Variants in FSTL5 observed in about 807,000 individuals in gnomAD.
The protein encoded by FSTL5 is follistatin-related protein 5.
FSTL5 carries 62 observed loss-of-function variants against 89.1 expected under a neutral mutation model. The ratio of observed to expected loss-of-function variants is 0.70; its 90% CI spans 0.57 to 0.86. The LOEUF (loss-of-function observed/expected upper bound fraction) is 0.86, where lower values mean the gene tolerates loss of function less well. Ranked by LOEUF, FSTL5 falls within the 40% of genes least tolerant of loss-of-function variation. FSTL5 has a pLI of 0.00. For synonymous variants in FSTL5, 383 were observed against 346.2 expected (o/e 1.11, Z -1.18); for missense variants, 1,057 against 1,001.6 (o/e 1.06, Z -0.75).
intron 1 of FSTL5, among the ~76,000 whole-genome samples, chr4:162,113,036 T>A (rs1380341638): frequency 1.3e-5 from 2 of 152,178 alleles, no homozygotes; most frequent in Non-Finnish European, 2.9e-5. Context: ...TCAAATCTCA[T>A]TGCTAGCTAC....
chr4:161,690,730 T>C (rs1332975801), intron 6 of FSTL5, among the ~76,000 whole-genome samples: 1 of 152,114 alleles, frequency 6.6e-6, no homozygotes, highest in Non-Finnish European at 1.5e-5. Flanking sequence ...GGGGGTTTGT[T>C]GTACAGATTA....
chr4:161,690,572 T>G (rs1482959996), intron 6 of FSTL5, among the ~76,000 whole-genome samples: 1 of 152,166 alleles, frequency 6.6e-6, no homozygotes, highest in African/African-American at 2.4e-5. Flanking sequence ...AAAACTCTTA[T>G]CAGACATATG....
rs150616624 is a variant in FSTL5, at chr4:161,593,578, G to A, written c.895-6003C>T. On this transcript the variant is annotated intron_variant, in intron 7 of 15. Coordinates refer to ENST00000306100, the MANE Select transcript of FSTL5 (RefSeq NM_020116.5). Reference sequence around the variant, plus strand: ...TCAAGGAAGAAGGGATGAGGAGGGGGAGGGAGAAGGGGAGGAAAGGGAGGC... The same window carrying A: ...TCAAGGAAGAAGGGATGAGGAGGGGAAGGGAGAAGGGGAGGAAAGGGAGGC... 6.6e-5 allele frequency among the ~76,000 whole-genome samples: 10 copies of A among 151,954 alleles called. No homozygotes were observed. The East Asian group carries it at 1.9e-3, about 29-fold the overall frequency.
At chr4:161,820,073 A>G (rs1730445520) in intron 4 of FSTL5, among the ~76,000 whole-genome samples, 1 of 152,128 alleles carries the variant, frequency 6.6e-6, no homozygotes, top group Non-Finnish European at 1.5e-5. Context: ...ATGTTTTCCA[A>G]AATTTGTTTG....
At chr4:161,473,890 C>G (rs1734034360) in intron 13 of FSTL5, among the ~76,000 whole-genome samples, 1 of 152,084 alleles carries the variant, frequency 6.6e-6, no homozygotes, top group South Asian at 2.1e-4. Flanking sequence ...ATAGTTTGAT[C>G]CTGTTTTTAA....
chr4:161,687,430 AC>A (rs1053327870), intron 6 of FSTL5, among the ~76,000 whole-genome samples: 1 of 152,136 alleles, frequency 6.6e-6, no homozygotes, highest in African/African-American at 2.4e-5. Flanking sequence ...TTTTTAATTG[AC>A]AAAAAATGTA....
At position 161,581,121 on chromosome 4, in the gene FSTL5, C is replaced by T. The variant is rs571419188; in HGVS notation, c.1015+6334G>A. ...AATATGAAGAAGGGAAACATATTCC[C>T]ACCTGTCATCTTTTTAGGAGGGAAA... On this transcript the variant is annotated intron_variant, in intron 8 of 15. Transcript: ENST00000306100. 4.6e-5 allele frequency among the ~76,000 whole-genome samples: 7 copies of T among 152,254 alleles called. No individual in the cohort carries two copies. In the South Asian group the frequency reaches 1.5e-3, roughly 32 times the overall value.
In FSTL5 at chr4:161,619,332, T is replaced by G. The variant is rs564307302; in HGVS notation, c.895-31757A>C. 2.9e-3 allele frequency among the ~76,000 whole-genome samples: 443 copies of G among 151,958 alleles called. 2 individuals carry two copies. Among genetic ancestry groups the G allele is most frequent in the Non-Finnish European group, 5.3e-3 (360 of 67,958 alleles). ...AAGCAATGGCAACAAAAGACAAAATTGACAAATGGGATCTAATGAAACTAA... is the reference window on the plus strand; with the variant it reads ...AAGCAATGGCAACAAAAGACAAAATGGACAAATGGGATCTAATGAAACTAA... On this transcript the variant is annotated intron_variant, in intron 7 of 15. Transcript: ENST00000306100.
At chr4:161,452,731 T>A (rs1413061146) in intron 15 of FSTL5, among the ~76,000 whole-genome samples, 1 of 152,166 alleles carries the variant, frequency 6.6e-6, no homozygotes, top group Non-Finnish European at 1.5e-5. Context: ...GCAGGTAGAA[T>A]TGCTATAATT....
intron 15 of FSTL5, chr4:161,387,910 T>C (rs1730701857): frequency 1.3e-5 from 2 of 152,132 alleles, no homozygotes; most frequent in South Asian, 4.1e-4. Flanking sequence ...TCACAGTGTA[T>C]AGCTACTCCT....
chr4:162,013,863 A>G (rs1046204612), intron 3 of FSTL5, among the ~76,000 whole-genome samples: 1 of 152,126 alleles, frequency 6.6e-6, no homozygotes, highest in South Asian at 2.1e-4. Context: ...CATTAAAAAA[A>G]TATGCCTACA....
chr4:162,020,084 T>C (rs1737028781), intron 3 of FSTL5, among the ~76,000 whole-genome samples: 1 of 151,660 alleles, frequency 6.6e-6, no homozygotes, highest in Admixed American at 6.6e-5. Flanking sequence ...TTATCTTATT[T>C]GAGGTTCACA....
At chr4:161,759,332 G>C in intron 6 of FSTL5, 79 bp downstream of exon 6, 1 of 1,333,528 alleles carries the variant, frequency 7.5e-7, no homozygotes, top group Admixed American at 2.7e-5. Flanking sequence ...TGTACTATGA[G>C]AGCAAGCAAA....
At chr4:161,722,236 T>C (rs1739243659) in intron 6 of FSTL5, among the ~76,000 whole-genome samples, 1 of 152,160 alleles carries the variant, frequency 6.6e-6, no homozygotes, top group African/African-American at 2.4e-5. Context: ...GCAAACATTT[T>C]CCTTAGCAAA....
At chr4:161,901,845 G>C (rs28414102) in intron 4 of FSTL5, among the ~76,000 whole-genome samples, 50 of 152,264 alleles carry the variant, frequency 3.3e-4, no homozygotes, top group African/African-American at 1.2e-3. Context: ...CGAGGTAGGA[G>C]AACTGCTTGA....
At chr4:162,000,559 C>T (rs1736433153) in intron 3 of FSTL5, among the ~76,000 whole-genome samples, 1 of 150,228 alleles carries the variant, frequency 6.7e-6, no homozygotes, top group African/African-American at 2.5e-5. Context: ...GATCGCCCCA[C>T]GATACTCCAG....
At chr4:161,788,194 G>C (rs1179486480) in intron 4 of FSTL5, among the ~76,000 whole-genome samples, 3 of 152,138 alleles carry the variant, frequency 2.0e-5, no homozygotes, top group Non-Finnish European at 4.4e-5. Flanking sequence ...TATACATTGT[G>C]TAATGATCAA....
intron 3 of FSTL5, among the ~76,000 whole-genome samples, chr4:161,924,695 A>C (rs563259889): frequency 6.6e-6 from 1 of 151,888 alleles, no homozygotes; most frequent in East Asian, 1.9e-4. Context: ...GGCTGTGTTT[A>C]AAGAATGAGT....
At chr4:161,910,812 T>G (rs938406390) in intron 4 of FSTL5, among the ~76,000 whole-genome samples, 2 of 152,194 alleles carry the variant, frequency 1.3e-5, no homozygotes, top group Non-Finnish European at 2.9e-5. Flanking sequence ...ACTTGGCAGA[T>G]TTTTTCCACT....
Sources: allele counts gnomAD v4.1 joint callset (sites outside exome capture counted in the v4.1 genomes callset), GRCh38; gene constraint gnomAD v4.1.1; transcripts MANE v1.5; gene names NCBI Gene and HGNC (gene_info 2026-07-23, HGNC 2026-07-21).